Variants in DIP2C observed in about 807,000 individuals in gnomAD.
DIP2C encodes the protein disco-interacting protein 2 homolog C.
A neutral mutation model predicts 192.4 loss-of-function variants in DIP2C; 33 were observed. That is an observed-to-expected ratio of 0.17 (90% CI 0.13 to 0.23). The LOEUF (loss-of-function observed/expected upper bound fraction) is 0.23, where lower values mean the gene tolerates loss of function less well. Among genes scored for constraint, DIP2C ranks in the 10% least tolerant of loss-of-function variants. DIP2C has a pLI of 1.00. For synonymous variants in DIP2C, 979 were observed against 864.1 expected (o/e 1.13, Z -2.33); for missense variants, 1,537 against 2,110.1 (o/e 0.73, Z 5.32).
At chr10:623,280 C>T (rs1009662492) in intron 1 of DIP2C, among the ~76,000 whole-genome samples, 2 of 146,400 alleles carry the variant, frequency 1.4e-5, no homozygotes, top group South Asian at 2.2e-4. Context: ...TCCCTCCAGC[C>T]GCACTTGACA....
rs1191362401 is a variant in DIP2C, at chr10:415,885, A to G, written c.743T>C (p.Val248Ala). Residue 248 changes from valine (V) to alanine (A), a missense_variant, in exon 7 of 37, where the codon GTA becomes GCA. Physicochemically the swap from Val to Ala is moderately conservative, Grantham distance 64. Around this residue, in one of 4 missense-constraint regions of DIP2C, gnomAD observed 473 missense variants for 539.6 expected, o/e 0.88. Coordinates refer to ENST00000280886, the MANE Select transcript of DIP2C (RefSeq NM_014974.3). ...TGCTGACACCCGGCTACTTACTGGT[A>G]CTCCTGAAAAACAGGAATCAGCGGG... ...NAELMETGDG[V>A]PVSSRVSAKI... 1.9e-6 allele frequency: 3 copies of G among 1,613,494 alleles called. No homozygotes were observed. The highest frequency in any genetic ancestry group is 1.7e-6 in the Non-Finnish European group (2 of 1,179,886).
chr10:617,846 A>G (rs2131817893), intron 1 of DIP2C, among the ~76,000 whole-genome samples: 1 of 152,242 alleles, frequency 6.6e-6, no homozygotes, highest in Middle Eastern at 3.4e-3. Flanking sequence ...GGTGTCTGGG[A>G]GGCTCAAAAA....
intron 3 of DIP2C, among the ~76,000 whole-genome samples, chr10:460,072 T>C (rs1196101036): frequency 1.4e-5 from 2 of 146,184 alleles, no homozygotes. Flanking sequence ...CCTCCCACAG[T>C]CACATCAAGG....
chr10:302,165 G>A (rs1170237102), intron 32 of DIP2C, among the ~76,000 whole-genome samples: 1 of 152,092 alleles, frequency 6.6e-6, no homozygotes, highest in African/African-American at 2.4e-5. Flanking sequence ...CCATGTAAAG[G>A]TATAACTGTA....
At chr10:496,737 C>T (rs1321665290) in intron 1 of DIP2C, among the ~76,000 whole-genome samples, 1 of 151,734 alleles carries the variant, frequency 6.6e-6, no homozygotes, top group Non-Finnish European at 1.5e-5. Flanking sequence ...ACCCATGGTG[C>T]CCTCCCATGT....
In DIP2C at chr10:387,980, C is replaced by T. The variant is rs117509071; in HGVS notation, c.1598-171G>A. ...ACTCCAAGTAGGCCGGTTTGAGTGC[C>T]GGCCACCCTGGAGTTTCTCGACAGA... On this transcript the variant is annotated intron_variant, in intron 13 of 36. Coordinates refer to ENST00000280886, the MANE Select transcript of DIP2C (RefSeq NM_014974.3). Among the ~76,000 whole-genome samples the T allele has an allele frequency of 5.8e-4, 89 of 152,272 alleles. No individual in the cohort carries two copies. In the East Asian group the frequency reaches 0.011, roughly 19 times the overall value.
chr10:324,008 C>T (rs529355228), intron 31 of DIP2C, among the ~76,000 whole-genome samples: 9 of 152,164 alleles, frequency 5.9e-5, no homozygotes, highest in Admixed American at 3.9e-4. Flanking sequence ...TCTGCACTTA[C>T]GGCTGCCTTC....
In DIP2C at chr10:390,775, G is replaced by A. The variant is rs1275778758; in HGVS notation, c.1349C>T (p.Pro450Leu). The A allele has an allele frequency of 4.3e-6, 7 of 1,614,068 alleles. No individual in the cohort carries two copies. Among genetic ancestry groups the A allele is most frequent in the Non-Finnish European group, 5.1e-6 (6 of 1,179,986 alleles). The stretch of plus-strand genomic sequence containing the variant: ...TGGGATCTCTCCCGTTGGGCTTTTT[G>A]GAAGTCCTTTATGGCAGGCGTCACT... ...LTSDACHKGL[P>L]KSPTGEIPQF... Residue 450 changes from proline to leucine, a missense_variant, in exon 11 of 37, where the codon CCA becomes CTA. Physicochemically the swap from Pro to Leu is moderately conservative, Grantham distance 98. This residue lies in a region of DIP2C where 677 missense variants were observed against 989.9 expected (regional missense o/e 0.68). Transcript: ENST00000280886.
chr10:440,754 C>CA (rs907965439), intron 4 of DIP2C, 117 bp downstream of exon 4: 3 of 1,438,060 alleles, frequency 2.1e-6, no homozygotes, highest in African/African-American at 2.8e-5. Context: ...TTCTGGTTCA[C>CA]AAAATCTGCA....
At chr10:530,797 G>T (rs539075585) in intron 1 of DIP2C, among the ~76,000 whole-genome samples, 1 of 152,126 alleles carries the variant, frequency 6.6e-6, no homozygotes, top group Non-Finnish European at 1.5e-5. Flanking sequence ...AGAGAGAAAT[G>T]CAAGCGGCAT....
At chr10:340,335 A>C (rs1009973309) in intron 29 of DIP2C, among the ~76,000 whole-genome samples, 1 of 152,114 alleles carries the variant, frequency 6.6e-6, no homozygotes, top group Non-Finnish European at 1.5e-5. Flanking sequence ...TGTTTGTGTT[A>C]GCTTTAAAAT....
At chr10:467,870 T>G (rs182732379) in intron 3 of DIP2C, among the ~76,000 whole-genome samples, 1 of 152,296 alleles carries the variant, frequency 6.6e-6, no homozygotes, top group East Asian at 1.9e-4. Flanking sequence ...GGTTGATGGG[T>G]GCAGCAAAGC....
intron 29 of DIP2C, among the ~76,000 whole-genome samples, chr10:339,519 C>T (rs1307599689): frequency 6.6e-6 from 1 of 152,156 alleles, no homozygotes; most frequent in Non-Finnish European, 1.5e-5. Context: ...CCATGGGGAG[C>T]CAGGCTTGGT....
At chr10:615,070 G>A (rs868141801) in intron 1 of DIP2C, among the ~76,000 whole-genome samples, 5 of 152,186 alleles carry the variant, frequency 3.3e-5, no homozygotes, top group South Asian at 2.1e-4. Flanking sequence ...AACAGGCAGC[G>A]CTGTCCCAAG....
At chr10:408,796 G>A (rs1479696957) in intron 9 of DIP2C, 130 bp downstream of exon 9, 15 of 760,228 alleles carry the variant, frequency 2.0e-5, no homozygotes, top group South Asian at 1.8e-5. Context: ...CCAGGTAGCA[G>A]TTAAGAATAA....
chr10:648,429 C>G (rs71489261), intron 1 of DIP2C, among the ~76,000 whole-genome samples: 32 of 114,528 alleles, frequency 2.8e-4, no homozygotes, highest in Middle Eastern at 8.3e-3. Context: ...GTCCACATTT[C>G]ACAGTGGGAG....
At chr10:673,649 G>T (rs1286645392) in intron 1 of DIP2C, among the ~76,000 whole-genome samples, 1 of 152,162 alleles carries the variant, frequency 6.6e-6, no homozygotes, top group East Asian at 1.9e-4. Flanking sequence ...CTTCCCCAGG[G>T]AGCTATTCCT....
intron 4 of DIP2C, among the ~76,000 whole-genome samples, chr10:427,892 A>C (rs1021264703): frequency 7.9e-5 from 12 of 152,344 alleles, no homozygotes; most frequent in Admixed American, 3.9e-4. Context: ...AATAAGAGTC[A>C]ATCATTCTAC....
chr10:606,907 T>C (rs1020049023), intron 1 of DIP2C, among the ~76,000 whole-genome samples: 2 of 152,166 alleles, frequency 1.3e-5, no homozygotes. Context: ...TGACTCAGGC[T>C]GGGGTCTGAA....
Sources: gnomAD v4.1 joint callset for allele counts (sites outside exome capture counted in the v4.1 genomes callset) on GRCh38, gnomAD v4.1.1 for gene constraint, gnomAD v4.1.1 regional missense constraint, MANE v1.5 for transcripts, NCBI Gene and HGNC (gene_info 2026-07-23, HGNC 2026-07-21) for gene names.